GPATCH8: variants seen among roughly 807,000 people sequenced by gnomAD.
The protein encoded by GPATCH8 is G patch domain-containing protein 8.
Under a neutral mutation model 118.3 loss-of-function variants are expected in GPATCH8, and 18 were observed. That is an observed-to-expected ratio of 0.15 (90% CI 0.11 to 0.23). The LOEUF (loss-of-function observed/expected upper bound fraction) is 0.23, where lower values mean the gene tolerates loss of function less well. GPATCH8 is among the 10% of genes least tolerant of loss of function. The pLI, the probability that GPATCH8 is intolerant of heterozygous loss-of-function variation, is 1.00. For missense variants in GPATCH8, 1,631 were observed against 1,873.8 expected (o/e 0.87, Z 2.39); for synonymous variants, 659 against 684.7 (o/e 0.96, Z 0.59).
chr17:44,433,505 T>C (rs1427972682), intron 5 of GPATCH8, among the ~76,000 whole-genome samples: 1 of 152,014 alleles, frequency 6.6e-6, no homozygotes, highest in African/African-American at 2.4e-5. Flanking sequence ...GTAAGAGAGG[T>C]TGTTGCAAGA....
In GPATCH8 at chr17:44,503,390, T is replaced by C. The variant is rs776300156; in HGVS notation, c.-20A>G. 19 of 1,597,936 alleles carry C rather than the reference T, an allele frequency of 1.2e-5. No homozygotes were observed. Among genetic ancestry groups the C allele is most frequent in the Non-Finnish European group, 1.6e-5 (19 of 1,171,568 alleles). On this transcript the variant is annotated 5_prime_UTR_variant, in exon 1 of 8. Transcript: ENST00000591680. ...CGCCATTTTGCCGCCTTCACTCCTC[T>C]CAGGACGACGCTCTCCGGTTCGCTC...
intron 1 of GPATCH8, among the ~76,000 whole-genome samples, chr17:44,483,825 TTTGTTGTTGTTG>T (rs55703241): frequency 0.015 from 2,196 of 149,208 alleles, 48 homozygotes; most frequent in African/African-American, 0.046. Context: ...TTTGGTTGTT[TTTGTTGTTGTTG>T]TTGTTGTTGT....
chr17:44,431,004 G>A (rs999286112), intron 5 of GPATCH8, among the ~76,000 whole-genome samples: 1 of 151,846 alleles, frequency 6.6e-6, no homozygotes, highest in Non-Finnish European at 1.5e-5. Flanking sequence ...TTAAATTGTA[G>A]TATTGCTATA....
chr17:44,442,623 T>C (rs1050974315), intron 3 of GPATCH8, among the ~76,000 whole-genome samples: 2 of 152,160 alleles, frequency 1.3e-5, no homozygotes, highest in Non-Finnish European at 2.9e-5. Context: ...TGCCACTACA[T>C]CTGGCTAATT....
chr17:44,432,053 T>G (rs1433648083), intron 5 of GPATCH8, among the ~76,000 whole-genome samples: 2 of 151,668 alleles, frequency 1.3e-5, no homozygotes, highest in South Asian at 2.1e-4. Flanking sequence ...GTGGGTTTTT[T>G]TTTTTTTTTT....
At chr17:44,410,304 G>T (rs1441017513) in intron 6 of GPATCH8, among the ~76,000 whole-genome samples, 1 of 152,170 alleles carries the variant, frequency 6.6e-6, no homozygotes, top group African/African-American at 2.4e-5. Context: ...AATTTCTTCA[G>T]GTGAGAATAG....
At chr17:44,475,279 C>G (rs966332635) in intron 1 of GPATCH8, among the ~76,000 whole-genome samples, 2 of 151,400 alleles carry the variant, frequency 1.3e-5, no homozygotes, top group African/African-American at 4.9e-5. Flanking sequence ...ACTCAGGAGG[C>G]TGAGGCAGGA....
chr17:44,397,299 G>T lies in GPATCH8; in HGVS notation c.*269C>A. On this transcript the variant is annotated 3_prime_UTR_variant, in exon 8 of 8. Transcript: ENST00000591680. ...ACAGTTTGGAGATGTTGCTGCAGAG[G>T]GGTGGGTAGCACTTACTGGTGTTCC... 1.6e-6 allele frequency: 1 copy of T among 631,222 alleles called. No individual in the cohort carries two copies. The highest frequency in any genetic ancestry group is 2.9e-6 in the Non-Finnish European group (1 of 340,340). The allele number at this position is 631,222 out of a possible 1,614,324, so 39.1% of individuals were successfully genotyped here.
intron 7 of GPATCH8, among the ~76,000 whole-genome samples, chr17:44,404,098 A>G (rs918929280): frequency 1.3e-5 from 2 of 152,202 alleles, no homozygotes; most frequent in Non-Finnish European, 1.5e-5. Context: ...CCTACTCCAC[A>G]GCAAACAAAT....
At chr17:44,479,205 C>T (rs1452440319) in intron 1 of GPATCH8, among the ~76,000 whole-genome samples, 6 of 152,190 alleles carry the variant, frequency 3.9e-5, no homozygotes, top group African/African-American at 1.4e-4. Context: ...CATGAAAAAT[C>T]ACACAAGTTT....
intron 1 of GPATCH8, among the ~76,000 whole-genome samples, chr17:44,488,591 G>A (rs1231965636): frequency 2.7e-5 from 4 of 147,338 alleles, no homozygotes; most frequent in Admixed American, 6.8e-5. Flanking sequence ...GACTGGTCTC[G>A]AACTCCTGAC....
chr17:44,482,274 G>A (rs776538473), intron 1 of GPATCH8, among the ~76,000 whole-genome samples: 8 of 151,820 alleles, frequency 5.3e-5, no homozygotes, highest in African/African-American at 9.7e-5. Context: ...ATGCGTACGG[G>A]ACTTAAAACC....
At chr17:44,443,168 A>G (rs1247403761) in intron 3 of GPATCH8, among the ~76,000 whole-genome samples, 1 of 152,254 alleles carries the variant, frequency 6.6e-6, no homozygotes, top group African/African-American at 2.4e-5. Context: ...CTTCTTTTTA[A>G]GTAATGCAAA....
intron 3 of GPATCH8, among the ~76,000 whole-genome samples, chr17:44,453,263 G>A (rs969612320): frequency 2.0e-5 from 3 of 152,198 alleles, no homozygotes; most frequent in African/African-American, 7.2e-5. Flanking sequence ...TTTGGAGGCA[G>A]AAGGACTGAG....
At chr17:44,497,717 A>G (rs1290392311) in intron 1 of GPATCH8, among the ~76,000 whole-genome samples, 1 of 151,984 alleles carries the variant, frequency 6.6e-6, no homozygotes, top group Non-Finnish European at 1.5e-5. Flanking sequence ...AGGTGGGAGG[A>G]TCGCTTGAGC....
intron 6 of GPATCH8, among the ~76,000 whole-genome samples, chr17:44,418,580 C>T (rs1417588953): frequency 6.6e-6 from 1 of 151,946 alleles, no homozygotes; most frequent in Non-Finnish European, 1.5e-5. Context: ...TCAGCCTCCC[C>T]AGTAGCTGGG....
At chr17:44,492,898 A>G (rs1297669383) in intron 1 of GPATCH8, among the ~76,000 whole-genome samples, 2 of 152,150 alleles carry the variant, frequency 1.3e-5, no homozygotes, top group Non-Finnish European at 2.9e-5. Context: ...TCCTTTTATG[A>G]TGCCACGATA....
chr17:44,457,063 A>G (rs1388876516), intron 3 of GPATCH8, among the ~76,000 whole-genome samples: 1 of 152,030 alleles, frequency 6.6e-6, no homozygotes, highest in East Asian at 1.9e-4. Context: ...GGGTTTCACC[A>G]TGTTGGCCAG....
chr17:44,447,619 C>T (rs2050934922), intron 3 of GPATCH8, among the ~76,000 whole-genome samples: 1 of 141,602 alleles, frequency 7.1e-6, no homozygotes, highest in African/African-American at 2.6e-5. Flanking sequence ...TTATCACCAC[C>T]TTTTTTTTTT....
Sources: allele counts gnomAD v4.1 joint callset (sites outside exome capture counted in the v4.1 genomes callset), GRCh38; gene constraint gnomAD v4.1.1; transcripts MANE v1.5; gene names NCBI Gene and HGNC (gene_info 2026-07-23, HGNC 2026-07-21).